The following MAP4K4 variants were observed in gnomAD, a reference collection of about 807,000 sequenced individuals.
The protein encoded by MAP4K4 is HPK/GCK-like kinase HGK.
A neutral mutation model predicts 189.6 loss-of-function variants in MAP4K4; 38 were observed. That is an observed-to-expected ratio of 0.20 (90% CI 0.15 to 0.26). The LOEUF is 0.26. Among genes scored for constraint, MAP4K4 ranks in the 10% least tolerant of loss-of-function variants. The probability of loss-of-function intolerance (pLI) is 1.00; values close to 1 mark genes in which losing one functional copy is unlikely to be tolerated. For synonymous variants in MAP4K4, 610 were observed against 624.3 expected (o/e 0.98, Z 0.34); for missense variants, 1,054 against 1,726.9 (o/e 0.61, Z 6.91).
chr2:101,890,855 G>T (rs2098555732), intron 32 of MAP4K4, among the ~76,000 whole-genome samples: 2 of 151,916 alleles, frequency 1.3e-5, no homozygotes, highest in Middle Eastern at 3.2e-3. Flanking sequence ...CCACCTCCCG[G>T]GTTCAAGTGA....
intron 2 of MAP4K4, among the ~76,000 whole-genome samples, chr2:101,702,012 C>CGTG (rs2039095856): frequency 6.6e-6 from 1 of 152,026 alleles, no homozygotes; most frequent in Admixed American, 6.6e-5. Context: ...ATTACAAGTG[C>CGTG]GTGCCATCAC....
chr2:101,840,057 A>G, intron 10 of MAP4K4, 63 bp downstream of exon 10: 1 of 1,473,458 alleles, frequency 6.8e-7, no homozygotes, highest in Non-Finnish European at 9.1e-7. Flanking sequence ...TGCCAACTAG[A>G]GTAGGTCCCT....
At chr2:101,844,407 T>A (rs2097023056) in intron 12 of MAP4K4, 96 bp downstream of exon 12, 2 of 986,290 alleles carry the variant, frequency 2.0e-6, no homozygotes, top group Non-Finnish European at 3.0e-6. Context: ...TGTAGCTTCC[T>A]GGGGTAATAC....
intron 2 of MAP4K4, among the ~76,000 whole-genome samples, chr2:101,747,196 G>C (rs889287089): frequency 1.3e-5 from 2 of 152,026 alleles, no homozygotes; most frequent in Non-Finnish European, 2.9e-5. Context: ...TTGGCTCAGC[G>C]CAACCTCCGC....
intron 2 of MAP4K4, among the ~76,000 whole-genome samples, chr2:101,753,983 C>T (rs930624944): frequency 3.3e-5 from 5 of 151,998 alleles, no homozygotes; most frequent in African/African-American, 1.2e-4. Flanking sequence ...TTAGTAGTGG[C>T]TATTTCCAGT....
chr2:101,818,711 T>G (rs1297221761), intron 3 of MAP4K4, among the ~76,000 whole-genome samples: 2 of 152,174 alleles, frequency 1.3e-5, no homozygotes, highest in African/African-American at 2.4e-5. Context: ...ATTACTACTA[T>G]GCAGATGTTC....
intron 2 of MAP4K4, among the ~76,000 whole-genome samples, chr2:101,699,169 G>C (rs979810907): frequency 3.9e-5 from 6 of 152,216 alleles, no homozygotes; most frequent in Non-Finnish European, 2.9e-5. Flanking sequence ...TTTGACAGCT[G>C]TGTAATTGAA....
intron 2 of MAP4K4, among the ~76,000 whole-genome samples, chr2:101,754,286 G>A (rs2070946754): frequency 6.6e-6 from 1 of 150,442 alleles, no homozygotes. Flanking sequence ...TATGGATTAT[G>A]ACATCATTCT....
At position 101,851,724 on chromosome 2, in the gene MAP4K4, C is replaced by CTTT. The variant is rs36217584; in HGVS notation, c.1234-4223_1234-4221dup. ...TGGAAGAGAAGTTGGTAACTGTCCT[C>CTTT]TTTTTTTTTTTTTTTTTTTTTTTTT... On this transcript the variant is annotated intron_variant, in intron 12 of 32. Coordinates refer to ENST00000324219, the Ensembl canonical transcript of MAP4K4. Among the ~76,000 whole-genome samples the CTTT allele has an allele frequency of 1.5e-3, 100 of 67,858 alleles. 1 individual carries two copies. Among genetic ancestry groups the CTTT allele is most frequent in the African/African-American group, 2.5e-3 (67 of 26,304 alleles). 44.5% of individuals were successfully genotyped at this position (67,858 alleles called of 152,430 possible).
At chr2:101,726,893 A>G (rs767320259) in intron 2 of MAP4K4, among the ~76,000 whole-genome samples, 1 of 152,204 alleles carries the variant, frequency 6.6e-6, no homozygotes, top group Non-Finnish European at 1.5e-5. Flanking sequence ...AAGTTCAAGA[A>G]TAAGGGACCA....
intron 2 of MAP4K4, among the ~76,000 whole-genome samples, chr2:101,759,106 C>T (rs180820730): frequency 3.4e-5 from 5 of 148,952 alleles, no homozygotes; most frequent in African/African-American, 1.2e-4. Context: ...GCACTCCAGC[C>T]TGGGTGACAG....
chr2:101,823,550 G>A (rs953249461), intron 3 of MAP4K4, among the ~76,000 whole-genome samples: 3 of 152,214 alleles, frequency 2.0e-5, no homozygotes, highest in African/African-American at 7.2e-5. Flanking sequence ...TTTTCCAAGT[G>A]ATAAGTTCAA....
chr2:101,846,967 A>G (rs1302981815), intron 12 of MAP4K4, among the ~76,000 whole-genome samples: 1 of 152,218 alleles, frequency 6.6e-6, no homozygotes, highest in East Asian at 1.9e-4. Flanking sequence ...CAGATGCCCA[A>G]GCCCCTGATA....
At chr2:101,788,643 A>T (rs957127216) in intron 2 of MAP4K4, among the ~76,000 whole-genome samples, 4 of 152,222 alleles carry the variant, frequency 2.6e-5, no homozygotes, top group African/African-American at 9.6e-5. Context: ...TGGCCTCATC[A>T]CAAAAATAAT....
intron 2 of MAP4K4, among the ~76,000 whole-genome samples, chr2:101,732,612 G>T (rs939604634): frequency 6.6e-6 from 1 of 152,020 alleles, no homozygotes; most frequent in Non-Finnish European, 1.5e-5. Context: ...TTGAGACAGA[G>T]TCTTGCTCTG....
intron 2 of MAP4K4, among the ~76,000 whole-genome samples, chr2:101,704,365 C>T: frequency 6.6e-6 from 1 of 151,814 alleles, no homozygotes; most frequent in East Asian, 1.9e-4. Context: ...CTAACTCAAA[C>T]ATCAAAAGCT....
intron 2 of MAP4K4, among the ~76,000 whole-genome samples, chr2:101,743,767 C>T (rs181411245): frequency 5.3e-5 from 8 of 152,248 alleles, no homozygotes; most frequent in Non-Finnish European, 7.4e-5. Flanking sequence ...AAGCAATTCT[C>T]CTGCCTCAGC....
At chr2:101,892,998 T>C (rs1230323104) in exon 33 of MAP4K4, 3 of 456,442 alleles carry the variant, frequency 6.6e-6, no homozygotes, top group Non-Finnish European at 8.8e-6. Flanking sequence ...GCTTGATCTT[T>C]TTCCTTTGTG....
exon 33 of MAP4K4, chr2:101,892,052 G>A (rs1577579787): frequency 7.2e-6 from 1 of 137,964 alleles, no homozygotes; most frequent in South Asian, 2.5e-4. Flanking sequence ...TGTGCATTTT[G>A]TATAATGGCC....
Sources: allele counts gnomAD v4.1 joint callset (sites outside exome capture counted in the v4.1 genomes callset), GRCh38; gene constraint gnomAD v4.1.1; transcripts MANE v1.5; gene names NCBI Gene and HGNC (gene_info 2026-07-23, HGNC 2026-07-21).